The following RALYL variants were observed in gnomAD, a reference collection of about 807,000 sequenced individuals.
RALYL encodes RNA-binding Raly-like protein.
A neutral mutation model predicts 35.1 loss-of-function variants in RALYL; 29 were observed. The ratio of observed to expected loss-of-function variants is 0.83; its 90% confidence interval spans 0.61 to 1.13. The LOEUF is 1.13. Among genes scored for constraint, RALYL ranks in the 50% most tolerant of loss-of-function variants. RALYL has a pLI of 0.00. For missense variants in RALYL, 359 were observed against 360.4 expected (o/e 1.00, Z 0.03); for synonymous variants, 120 against 127.6 (o/e 0.94, Z 0.40).
At chr8:84,337,762 G>T (rs558886737) in intron 1 of RALYL, among the ~76,000 whole-genome samples, 15 of 152,064 alleles carry the variant, frequency 9.9e-5, no homozygotes, top group African/African-American at 3.6e-4. Flanking sequence ...CCTTACTTTT[G>T]TAAATAGGCA....
intron 1 of RALYL, among the ~76,000 whole-genome samples, chr8:84,463,312 T>C (rs769555629): frequency 6.6e-6 from 1 of 152,006 alleles, no homozygotes; most frequent in Non-Finnish European, 1.5e-5. Flanking sequence ...ACATCCTGTA[T>C]TAAGCTTTAA....
chr8:84,295,302 A>G (rs1039760923), intron 1 of RALYL, among the ~76,000 whole-genome samples: 1 of 152,094 alleles, frequency 6.6e-6, no homozygotes, highest in Non-Finnish European at 1.5e-5. Flanking sequence ...ATGCCTGTTG[A>G]TGTTTGTCAT....
intron 1 of RALYL, among the ~76,000 whole-genome samples, chr8:84,433,819 GTGTGTGTGTGTGTA>G (rs2047401923): frequency 8.1e-6 from 1 of 123,986 alleles, no homozygotes; most frequent in Non-Finnish European, 1.7e-5. Context: ...GTGTGCGTGT[GTGTGTGTGTGTGTA>G]TGTGTGTGTG....
At chr8:84,840,541 C>G (rs934438564) in intron 4 of RALYL, among the ~76,000 whole-genome samples, 1 of 152,194 alleles carries the variant, frequency 6.6e-6, no homozygotes, top group Non-Finnish European at 1.5e-5. Flanking sequence ...GGAAAACACT[C>G]TGCAGGATAT....
chr8:84,592,137 A>G (rs1360510727), intron 2 of RALYL, among the ~76,000 whole-genome samples: 1 of 152,138 alleles, frequency 6.6e-6, no homozygotes, highest in Non-Finnish European at 1.5e-5. Flanking sequence ...GACAATCTAC[A>G]TAACCCATAA....
chr8:84,695,863 T>C (rs1839021087), intron 2 of RALYL, among the ~76,000 whole-genome samples: 1 of 151,860 alleles, frequency 6.6e-6, no homozygotes. Flanking sequence ...TCAGTAATTC[T>C]CTCACTAATG....
At chr8:84,852,888 G>T (rs1163722285) in intron 5 of RALYL, among the ~76,000 whole-genome samples, 1 of 152,144 alleles carries the variant, frequency 6.6e-6, no homozygotes, top group Admixed American at 6.5e-5. Flanking sequence ...TACAATGCTT[G>T]TTTATACATA....
In RALYL at chr8:84,271,466, TTGTG is replaced by T. The variant is rs60994368; in HGVS notation, c.-24+87064_-24+87067del. Among the ~76,000 whole-genome samples the T allele has an allele frequency of 1.2e-3, 167 of 143,650 alleles. 1 individual carries two copies. Among genetic ancestry groups the T allele is most frequent in the Middle Eastern group, 3.4e-3 (1 of 292 alleles). 94.2% of individuals were successfully genotyped at this position (143,650 alleles called of 152,430 possible). ...ATCTAGTAGCCACTTTAGAAAATAG[TTGTG>T]TGTGTGTGTGTGTGTGTGTGTTTTA... is the stretch of plus-strand genomic sequence containing the variant. On this transcript the variant is annotated intron_variant, in intron 1 of 8. Coordinates refer to ENST00000521268, the MANE Select transcript of RALYL (RefSeq NM_173848.7).
chr8:84,891,384 A>G (rs1408559727), intron 8 of RALYL, among the ~76,000 whole-genome samples: 1 of 152,164 alleles, frequency 6.6e-6, no homozygotes, highest in East Asian at 1.9e-4. Flanking sequence ...AAGATCAGAA[A>G]TTTCAAAAAC....
At chr8:84,908,775 T>C (rs13273360) in intron 8 of RALYL, among the ~76,000 whole-genome samples, 65,683 of 151,828 alleles carry the variant, frequency 0.43, 17,607 homozygotes, top group Non-Finnish European at 0.57. Context: ...CCCCGGGAAA[T>C]GCAGAGCTCA....
intron 1 of RALYL, among the ~76,000 whole-genome samples, chr8:84,233,760 A>T (rs1825883113): frequency 6.6e-6 from 1 of 152,152 alleles, no homozygotes; most frequent in South Asian, 2.1e-4. Context: ...ATGGGTATTG[A>T]TAATGCAATA....
At chr8:84,465,059 A>G (rs1161622450) in intron 1 of RALYL, among the ~76,000 whole-genome samples, 2 of 112,992 alleles carry the variant, frequency 1.8e-5, no homozygotes, top group Non-Finnish European at 1.9e-5. Context: ...TCAGATGAGT[A>G]GGTTGCGAAA....
In RALYL at chr8:84,345,520, T is replaced by C. The variant is rs531898789; in HGVS notation, c.-24+161096T>C. The stretch of plus-strand genomic sequence containing the variant: ...GTTATCTTTAGATACATGAGTCTTT[T>C]TATGTATTCTGTAAGTAGTTAATGG... On this transcript the variant is annotated intron_variant, in intron 1 of 8. Coordinates refer to ENST00000521268, the MANE Select transcript of RALYL (RefSeq NM_173848.7). Among the ~76,000 whole-genome samples, 10 of 152,200 alleles carry C rather than the reference T, an allele frequency of 6.6e-5. No homozygotes were observed. In the South Asian group the frequency reaches 8.3e-4, roughly 13 times the overall value.
chr8:84,347,068 A>G (rs1849969986), intron 1 of RALYL, among the ~76,000 whole-genome samples: 1 of 151,836 alleles, frequency 6.6e-6, no homozygotes, highest in Non-Finnish European at 1.5e-5. Context: ...AGGCTTGGTA[A>G]CAGGTGCCTG....
At chr8:84,884,322 A>G (rs1842624112) in intron 7 of RALYL, among the ~76,000 whole-genome samples, 1 of 152,046 alleles carries the variant, frequency 6.6e-6, no homozygotes, top group Admixed American at 6.6e-5. Flanking sequence ...GAAAGATTAC[A>G]TTCAGCTGGG....
chr8:84,469,293 G>A (rs1202715979), intron 1 of RALYL, among the ~76,000 whole-genome samples: 3 of 151,990 alleles, frequency 2.0e-5, no homozygotes, highest in Non-Finnish European at 4.4e-5. Context: ...TTTGGTCTTT[G>A]ATGATGGTGA....
At chr8:84,209,782 A>C (rs562357804) in intron 1 of RALYL, among the ~76,000 whole-genome samples, 1 of 152,302 alleles carries the variant, frequency 6.6e-6, no homozygotes, top group Admixed American at 6.5e-5. Flanking sequence ...TAGATTTGGC[A>C]TTCAAGTATA....
At chr8:84,591,539 T>C (rs1262462663) in intron 2 of RALYL, among the ~76,000 whole-genome samples, 1 of 152,140 alleles carries the variant, frequency 6.6e-6, no homozygotes, top group Non-Finnish European at 1.5e-5. Context: ...AAGCACACTT[T>C]CCCTCTTCTC....
chr8:84,556,216 A>G (rs1249056354), intron 2 of RALYL, among the ~76,000 whole-genome samples: 1 of 152,236 alleles, frequency 6.6e-6, no homozygotes, highest in Non-Finnish European at 1.5e-5. Flanking sequence ...AAAAAGAGTG[A>G]TATGATGTGT....
Sources: allele counts gnomAD v4.1 joint callset (sites outside exome capture counted in the v4.1 genomes callset), GRCh38; gene constraint gnomAD v4.1.1; transcripts MANE v1.5; gene names NCBI Gene and HGNC (gene_info 2026-07-23, HGNC 2026-07-21).